The following TAB2 variants were observed in gnomAD, a reference collection of about 807,000 sequenced individuals.
TAB2 encodes the protein TGF-beta activated kinase 1 (MAP3K7) binding protein 2, also known as TGF-beta-activated kinase 1 and MAP3K7-binding protein 2.
Under a neutral mutation model 65.0 loss-of-function variants are expected in TAB2, and 3 were observed. The observed-to-expected ratio is 0.05, with a 90% CI of 0.02 to 0.12. The LOEUF (loss-of-function observed/expected upper bound fraction) is 0.12, where lower values mean the gene tolerates loss of function less well. TAB2 is among the 10% of genes least tolerant of loss of function. The pLI, the probability that TAB2 is intolerant of heterozygous loss-of-function variation, is 1.00. For missense variants in TAB2, 623 were observed against 840.3 expected, an observed-to-expected ratio of 0.74 and a Z score of 3.20; for synonymous variants, 298 against 285.1, an observed-to-expected ratio of 1.05 and a Z score of -0.46.
chr6:149,371,786 T>A (rs1438555738), intron 2 of TAB2, among the ~76,000 whole-genome samples: 3 of 151,960 alleles, frequency 2.0e-5, no homozygotes, highest in Non-Finnish European at 2.9e-5. Flanking sequence ...GTATATTTGG[T>A]AAATGAATCA....
intron 1 of TAB2, chr6:149,247,758 G>A (rs966401113): frequency 2.0e-5 from 3 of 152,224 alleles, no homozygotes; most frequent in Non-Finnish European, 4.4e-5. Context: ...GTGAGTCCCA[G>A]GGAGAAGTGC....
At chr6:149,324,551 G>T (rs961948456) in intron 1 of TAB2, among the ~76,000 whole-genome samples, 3 of 152,216 alleles carry the variant, frequency 2.0e-5, no homozygotes, top group Admixed American at 6.5e-5. Flanking sequence ...CAGTTTGCCA[G>T]TGAAGCAGGC....
chr6:149,219,968 TG>T (rs1327248785), intron 1 of TAB2, among the ~76,000 whole-genome samples: 1 of 152,214 alleles, frequency 6.6e-6, no homozygotes, highest in Non-Finnish European at 1.5e-5. Flanking sequence ...AATTTAAAAC[TG>T]GGAAATTTTT....
chr6:149,346,326 A>G (rs1357400380), intron 1 of TAB2, among the ~76,000 whole-genome samples: 1 of 152,182 alleles, frequency 6.6e-6, no homozygotes, highest in African/African-American at 2.4e-5. Context: ...ACTATGGGAA[A>G]AAGTCAGCTG....
rs148221156 is a variant in TAB2 at position 149,334,622 on chromosome 6, CTA to C, written c.-90+16609_-90+16610del. Among the ~76,000 whole-genome samples, 434 of 151,468 alleles carry C rather than the reference CTA, an allele frequency of 2.9e-3. 3 individuals are homozygous for C. The highest frequency in any genetic ancestry group is 0.01 in the African/African-American group (416 of 41,242). ...AGCCCAGGAGTTCGAGGCTGCATATCTATGATTACATGACAGCACTCCAGCCT... is the reference window on the plus strand; with the variant it reads ...AGCCCAGGAGTTCGAGGCTGCATATCTGATTACATGACAGCACTCCAGCCT... On this transcript the variant is annotated intron_variant, in intron 1 of 6. Coordinates refer to ENST00000637181, the MANE Select transcript of TAB2 (RefSeq NM_001292034.3).
chr6:149,218,895 G>A (rs1250609926), intron 1 of TAB2: 1 of 340,510 alleles, frequency 2.9e-6, no homozygotes, highest in Non-Finnish European at 6.2e-6. Context: ...AAAGAAAGGA[G>A]ACCTAGTACT....
rs150096520 is a variant in TAB2, at chr6:149,290,303, C to A, written c.-121+71527C>A. Among the ~76,000 whole-genome samples the A allele has an allele frequency of 1.6e-3, 242 of 152,304 alleles. 1 individual carries two copies. Among genetic ancestry groups the A allele is most frequent in the African/African-American group, 4.9e-3 (203 of 41,564 alleles). On this transcript the variant is annotated intron_variant, in intron 1 of 1. Transcript: ENST00000606202. ...GCAGGAACCCATGGCTCATCCCTCGCTCTTGCAGGTCTTTGCTCAAATGTC... is the reference window on the plus strand; with the variant it reads ...GCAGGAACCCATGGCTCATCCCTCGATCTTGCAGGTCTTTGCTCAAATGTC...
exon 1 of TAB2, chr6:149,218,652 C>T (rs1434857118): frequency 4.8e-6 from 2 of 414,770 alleles, no homozygotes; most frequent in Non-Finnish European, 9.8e-6. Flanking sequence ...GTGAGGTGAA[C>T]TCCTTCAGGG....
At chr6:149,283,730 A>G (rs578211550) in intron 1 of TAB2, among the ~76,000 whole-genome samples, 51 of 152,268 alleles carry the variant, frequency 3.3e-4, no homozygotes, top group African/African-American at 1.2e-3. Flanking sequence ...ACAAACAAAC[A>G]AACAGAAAAC....
At chr6:149,279,521 T>A (rs1395599709) in intron 1 of TAB2, among the ~76,000 whole-genome samples, 2 of 152,164 alleles carry the variant, frequency 1.3e-5, no homozygotes, top group East Asian at 3.9e-4. Flanking sequence ...TCTGACATTG[T>A]TTTGCTTGTC....
chr6:149,322,819 T>C (rs1157763662), intron 1 of TAB2, among the ~76,000 whole-genome samples: 1 of 152,176 alleles, frequency 6.6e-6, no homozygotes, highest in Non-Finnish European at 1.5e-5. Flanking sequence ...TTTGTCATCA[T>C]TTTGCTTGTT....
At chr6:149,227,555 C>T (rs965036594) in intron 1 of TAB2, among the ~76,000 whole-genome samples, 4 of 152,148 alleles carry the variant, frequency 2.6e-5, no homozygotes, top group African/African-American at 7.2e-5. Context: ...CAGGGCATGC[C>T]TTCAAGACAC....
intron 1 of TAB2, among the ~76,000 whole-genome samples, chr6:149,240,981 A>T (rs1029288710): frequency 2.0e-5 from 3 of 152,164 alleles, no homozygotes; most frequent in Non-Finnish European, 4.4e-5. Flanking sequence ...TGGGGCCCTA[A>T]TCCAATAGTG....
intron 3 of TAB2, among the ~76,000 whole-genome samples, chr6:149,391,949 T>G (rs1369937790): frequency 6.6e-6 from 1 of 152,144 alleles, no homozygotes; most frequent in Non-Finnish European, 1.5e-5. Context: ...CAAGAGCTAG[T>G]TCTCTGATTC....
chr6:149,325,192 A>G (rs758251854), intron 1 of TAB2, among the ~76,000 whole-genome samples: 1 of 152,202 alleles, frequency 6.6e-6, no homozygotes, highest in African/African-American at 2.4e-5. Context: ...GTTGCTGACT[A>G]TAGCTATGTG....
intron 1 of TAB2, among the ~76,000 whole-genome samples, chr6:149,225,555 A>G (rs982211406): frequency 2.0e-5 from 3 of 152,158 alleles, no homozygotes; most frequent in African/African-American, 7.2e-5. Context: ...AGTCAGACAG[A>G]GCAGGGCAAA....
chr6:149,307,856 T>C (rs986742048), intron 1 of TAB2, among the ~76,000 whole-genome samples: 13 of 152,226 alleles, frequency 8.5e-5, no homozygotes, highest in Non-Finnish European at 8.8e-5. Flanking sequence ...AGATCTCTCC[T>C]AATTTTACCA....
chr6:149,253,945 AAAGAAAGAAAGAAAAAG>A (rs1777918250), intron 1 of TAB2, among the ~76,000 whole-genome samples: 1 of 119,208 alleles, frequency 8.4e-6, no homozygotes, highest in Non-Finnish European at 1.8e-5. Context: ...AAAGAAAGAG[AAAGAAAGAAAGAAAAAG>A]AAAGAAAGAA....
chr6:149,372,065 C>T (rs757674440), intron 2 of TAB2, among the ~76,000 whole-genome samples: 22 of 152,176 alleles, frequency 1.4e-4, no homozygotes, highest in Admixed American at 3.3e-4. Context: ...CTGTAGACTT[C>T]GTATTGAAAG....
Sources: gnomAD v4.1 joint callset for allele counts (sites outside exome capture counted in the v4.1 genomes callset) on GRCh38, gnomAD v4.1.1 for gene constraint, MANE v1.5 for transcripts, NCBI Gene and HGNC (gene_info 2026-07-23, HGNC 2026-07-21) for gene names.